Variants in WDR7 observed in about 807,000 individuals in gnomAD.
WDR7 encodes the protein WD repeat-containing protein 7.
In WDR7, 46 loss-of-function variants were observed where a neutral mutation model predicts 169.4. That is an observed-to-expected ratio of 0.27 (90% CI 0.21 to 0.35). The LOEUF (loss-of-function observed/expected upper bound fraction) is 0.35. Ranked by LOEUF, WDR7 falls within the 10% of genes least tolerant of loss-of-function variation. The pLI is 1.00. For synonymous variants in WDR7, 612 were observed against 666.8 expected, an observed-to-expected ratio of 0.92 and a Z score of 1.27; for missense variants, 1,534 against 1,859.3, an observed-to-expected ratio of 0.83 and a Z score of 3.22.
intron 24 of WDR7, 123 bp downstream of exon 24, chr18:56,938,805 A>G (rs199742863): frequency 1.2e-5 from 7 of 594,720 alleles, no homozygotes; most frequent in Non-Finnish European, 1.6e-5. Flanking sequence ...GAGAGAAAGA[A>G]TGAGTGTGTG....
chr18:57,001,366 C>T (rs552111446), intron 26 of WDR7, among the ~76,000 whole-genome samples: 2 of 151,990 alleles, frequency 1.3e-5, no homozygotes, highest in South Asian at 2.1e-4. Context: ...GGAGCACTGT[C>T]GGTTGAGACC....
At chr18:56,876,283 C>T (rs749155994) in intron 20 of WDR7, among the ~76,000 whole-genome samples, 1 of 152,032 alleles carries the variant, frequency 6.6e-6, no homozygotes, top group Non-Finnish European at 1.5e-5. Flanking sequence ...GAACTGAAAG[C>T]GGCCAGAAAA....
At chr18:56,914,651 T>C (rs2046600858) in intron 21 of WDR7, among the ~76,000 whole-genome samples, 1 of 152,136 alleles carries the variant, frequency 6.6e-6, no homozygotes, top group Non-Finnish European at 1.5e-5. Context: ...GTTAATGGAT[T>C]TTTTTTAACA....
chr18:56,661,855 A>G (rs773108938), intron 1 of WDR7, among the ~76,000 whole-genome samples: 13 of 152,146 alleles, frequency 8.5e-5, no homozygotes, highest in Non-Finnish European at 1.8e-4. Flanking sequence ...CAAGTCTTCA[A>G]TTGATTGGTG....
chr18:56,969,295 T>C (rs979439100), intron 26 of WDR7, among the ~76,000 whole-genome samples: 6 of 152,210 alleles, frequency 3.9e-5, no homozygotes, highest in Admixed American at 6.5e-5. Flanking sequence ...ATACCTGAAA[T>C]CTACCTTTTC....
At chr18:56,953,158 A>G (rs2047205469) in intron 25 of WDR7, among the ~76,000 whole-genome samples, 1 of 152,216 alleles carries the variant, frequency 6.6e-6, no homozygotes, top group Non-Finnish European at 1.5e-5. Context: ...GGAGTAATAT[A>G]GGAACTCTCT....
intron 12 of WDR7, among the ~76,000 whole-genome samples, chr18:56,698,762 G>A (rs537613947): frequency 8.5e-5 from 13 of 152,284 alleles, no homozygotes; most frequent in Non-Finnish European, 1.8e-4. Context: ...AGCCAAAAGC[G>A]GTAGTTGGCC....
intron 13 of WDR7, among the ~76,000 whole-genome samples, chr18:56,719,651 G>T (rs961999141): frequency 2.0e-5 from 3 of 150,374 alleles, no homozygotes; most frequent in African/African-American, 4.9e-5. Context: ...TGTCCTATCT[G>T]CTGAATAGCA....
chr18:56,710,146 G>A (rs2026055199), intron 12 of WDR7, among the ~76,000 whole-genome samples: 1 of 151,746 alleles, frequency 6.6e-6, no homozygotes, highest in South Asian at 2.1e-4. Flanking sequence ...TGGGACTATA[G>A]GCGCCTGCCA....
intron 2 of WDR7, among the ~76,000 whole-genome samples, chr18:56,679,001 A>C (rs568738254): frequency 6.6e-6 from 1 of 152,266 alleles, no homozygotes; most frequent in East Asian, 1.9e-4. Flanking sequence ...CACCTTCACT[A>C]GTACTGCACT....
chr18:56,738,572 A>C (rs979669093), intron 14 of WDR7, among the ~76,000 whole-genome samples: 5 of 152,184 alleles, frequency 3.3e-5, no homozygotes, highest in African/African-American at 1.2e-4. Context: ...AAAAACAAAC[A>C]AACAAATTAT....
At chr18:56,896,657 G>A (rs2046336184) in intron 21 of WDR7, among the ~76,000 whole-genome samples, 1 of 151,674 alleles carries the variant, frequency 6.6e-6, no homozygotes, top group Non-Finnish European at 1.5e-5. Flanking sequence ...AATGAAATTG[G>A]ATCACCTAAT....
intron 26 of WDR7, among the ~76,000 whole-genome samples, chr18:57,008,781 C>A (rs1038372329): frequency 6.6e-6 from 1 of 152,176 alleles, no homozygotes; most frequent in Non-Finnish European, 1.5e-5. Flanking sequence ...TTACTGTCAA[C>A]CTGTTGGTCT....
At chr18:56,676,215 A>G (rs1278214633) in intron 2 of WDR7, among the ~76,000 whole-genome samples, 1 of 151,852 alleles carries the variant, frequency 6.6e-6, no homozygotes, top group Non-Finnish European at 1.5e-5. Flanking sequence ...TTCCATTGGC[A>G]TGGAATATCT....
chr18:56,798,708 A>G (rs2044623781), intron 19 of WDR7, among the ~76,000 whole-genome samples: 1 of 152,040 alleles, frequency 6.6e-6, no homozygotes, highest in Non-Finnish European at 1.5e-5. Flanking sequence ...TTTCTTTTCC[A>G]TTTAGTATTT....
intron 19 of WDR7, among the ~76,000 whole-genome samples, chr18:56,807,147 C>CAAAAA (rs566956902): frequency 1.2e-5 from 1 of 84,188 alleles, no homozygotes; most frequent in African/African-American, 4.0e-5. Context: ...TGATCCTAGC[C>CAAAAA]AAAAAAAAAA....
chr18:56,894,703 C>T (rs1325876508), intron 21 of WDR7, among the ~76,000 whole-genome samples: 2 of 152,020 alleles, frequency 1.3e-5, no homozygotes, highest in Non-Finnish European at 2.9e-5. Context: ...TGTTGAGCAA[C>T]GACTGAAGTA....
chr18:56,925,939 T>C (rs1346227605), intron 22 of WDR7, among the ~76,000 whole-genome samples: 1 of 152,218 alleles, frequency 6.6e-6, no homozygotes, highest in Middle Eastern at 3.2e-3. Context: ...ACCTGTCTCC[T>C]AAGATATATT....
chr18:56,767,556 T>C (rs2044086758), intron 16 of WDR7, among the ~76,000 whole-genome samples: 1 of 152,212 alleles, frequency 6.6e-6, no homozygotes, highest in Non-Finnish European at 1.5e-5. Flanking sequence ...TGAAAACCAT[T>C]GTTCATACAT....
Sources: gnomAD v4.1 joint callset for allele counts (sites outside exome capture counted in the v4.1 genomes callset) on GRCh38, gnomAD v4.1.1 for gene constraint, MANE v1.5 for transcripts, NCBI Gene and HGNC (gene_info 2026-07-23, HGNC 2026-07-21) for gene names.